EML1: variants seen among roughly 807,000 people sequenced by gnomAD.
The protein encoded by EML1 is echinoderm microtubule-associated protein-like 1.
Under a neutral mutation model 110.4 loss-of-function variants are expected in EML1, and 27 were observed. The observed-to-expected ratio is 0.24, with a 90% CI of 0.18 to 0.34. The LOEUF (loss-of-function observed/expected upper bound fraction) is 0.34, where lower values mean the gene tolerates loss of function less well. Among genes scored for constraint, EML1 ranks in the 10% least tolerant of loss-of-function variants. The pLI, the probability that EML1 is intolerant of heterozygous loss-of-function variation, is 1.00. For missense variants in EML1, 741 were observed against 1,030.9 expected (o/e 0.72, Z 3.85); for synonymous variants, 344 against 385.8 (o/e 0.89, Z 1.27).
At chr14:99,896,586 T>C (rs142571826) in intron 6 of EML1, among the ~76,000 whole-genome samples, 2 of 150,818 alleles carry the variant, frequency 1.3e-5, no homozygotes, top group East Asian at 3.9e-4. Context: ...ATAAATGGCA[T>C]TTTTTTGGCC....
intron 10 of EML1, among the ~76,000 whole-genome samples, chr14:99,908,845 C>A (rs1369601762): frequency 6.6e-6 from 1 of 152,156 alleles, no homozygotes. Flanking sequence ...GAACAATGGA[C>A]CTTTGTAAAA....
Position 99,936,239 on chromosome 14 carries a change from C to T in EML1, c.2008-8C>T, listed in dbSNP as rs1337938238. 8 of 1,613,874 alleles carry T rather than the reference C, an allele frequency of 5.0e-6. No individual in the cohort carries two copies. The East Asian group carries it at 1.1e-4, about 22-fold the overall frequency. On this transcript the variant is annotated splice_polypyrimidine_tract_variant and splice_region_variant and intron_variant, in intron 18 of 21. Coordinates refer to ENST00000262233, the MANE Select transcript of EML1 (RefSeq NM_004434.3). The surrounding 1 kb of genome is among the most constrained non-coding windows in gnomAD (Gnocchi z 5.5). The stretch of plus-strand genomic sequence containing the variant: ...CAATGAAATGAAGACAGTGTTTTAC[C>T]CTCCCAGGGTCATTCCAGCTTCATT...
chr14:99,939,373 C>T lies in EML1; in HGVS notation c.2322+46C>T, dbSNP rs1251212668. 2 of 1,607,764 alleles carry T rather than the reference C, an allele frequency of 1.2e-6. No homozygotes were observed. Among genetic ancestry groups the T allele is most frequent in the African/African-American group, 1.3e-5 (1 of 74,782 alleles). On this transcript the variant is annotated intron_variant, in intron 21 of 21. Coordinates refer to ENST00000262233, the MANE Select transcript of EML1 (RefSeq NM_004434.3). The surrounding 1 kb of genome is among the most constrained non-coding windows in gnomAD (Gnocchi z 4.2). Reference sequence around the variant, plus strand: ...CTAATCTTATCCCCCATGGGGCATGCACGTACACCCGACCTGTTTGGAGAC... The same window carrying T: ...CTAATCTTATCCCCCATGGGGCATGTACGTACACCCGACCTGTTTGGAGAC...
At chr14:99,856,490 A>G (rs926636705) in intron 2 of EML1, among the ~76,000 whole-genome samples, 1 of 152,236 alleles carries the variant, frequency 6.6e-6, no homozygotes, top group Non-Finnish European at 1.5e-5. Flanking sequence ...TTAATGAATA[A>G]TTAACTTAGT....
rs539298973 is a variant in EML1, at chr14:99,940,227, T to C, written c.*115T>C. On this transcript the variant is annotated 3_prime_UTR_variant, in exon 22 of 22. Coordinates refer to ENST00000262233, the MANE Select transcript of EML1 (RefSeq NM_004434.3). ...AAATTCTTACAAACCTCAGGAAAACTGTGCCCTCCGCCGGCTACCTTAGCT... is the reference window on the plus strand; with the variant it reads ...AAATTCTTACAAACCTCAGGAAAACCGTGCCCTCCGCCGGCTACCTTAGCT... The C allele has an allele frequency of 3.0e-6, 4 of 1,332,944 alleles. No individual in the cohort carries two copies. In the African/African-American group the frequency reaches 4.5e-5, roughly 15 times the overall value. 82.6% of individuals were successfully genotyped at this position (1,332,944 alleles called of 1,614,324 possible).
exon 1 of EML1, chr14:99,773,225 C>T (rs2057444603): frequency 6.6e-6 from 1 of 152,248 alleles, no homozygotes; most frequent in South Asian, 2.1e-4. Context: ...TGACCATCTA[C>T]TCTGGCCCTC....
chr14:99,884,924 T>A (rs1029307165), intron 4 of EML1, among the ~76,000 whole-genome samples: 3 of 152,138 alleles, frequency 2.0e-5, no homozygotes, highest in Non-Finnish European at 4.4e-5. Context: ...GGATCCCCTT[T>A]TTCTGGGAGC....
chr14:99,908,620 C>G (rs1408853979), intron 10 of EML1, among the ~76,000 whole-genome samples: 1 of 152,176 alleles, frequency 6.6e-6, no homozygotes, highest in South Asian at 2.1e-4. Flanking sequence ...TGTGTAACTG[C>G]ATTATTAAAT....
At chr14:99,772,032 C>T (rs1197771036), upstream of EML1, among the ~76,000 whole-genome samples, 1 of 152,132 alleles carries the variant, frequency 6.6e-6, no homozygotes, top group Non-Finnish European at 1.5e-5. Flanking sequence ...GTCGATTGAC[C>T]GTTTTCTTGA....
rs886149887 is a variant in EML1 at position 99,918,399 on chromosome 14, C to A, written c.1820+550C>A. On this transcript the variant is annotated intron_variant, in intron 16 of 21. Coordinates refer to ENST00000262233, the MANE Select transcript of EML1 (RefSeq NM_004434.3). ...GCATGAGGCACCACACCCAGCCACACACACATTTTGCCTACAATCTCGAGG... is the reference window on the plus strand; with the variant it reads ...GCATGAGGCACCACACCCAGCCACAAACACATTTTGCCTACAATCTCGAGG... Among the ~76,000 whole-genome samples, 3 of 152,240 alleles carry A rather than the reference C, an allele frequency of 2.0e-5. No homozygotes were observed. In the South Asian group the frequency reaches 6.2e-4, roughly 32 times the overall value.
In EML1 at chr14:99,939,163, G is replaced by A. The variant is rs1414415158; in HGVS notation, c.2192-34G>A. ...GCCATGTGGCCCTGTGGCCCCTGGT[G>A]TTTCCAGCGCCCTGTTTGTGGTCTT... On this transcript the variant is annotated intron_variant, in intron 20 of 21. Coordinates refer to ENST00000262233, the MANE Select transcript of EML1 (RefSeq NM_004434.3). This position sits in a 1 kb window ranked among gnomAD's most constrained non-coding sequence, Gnocchi z 4.2. 6.2e-7 allele frequency: 1 copy of A among 1,610,662 alleles called. No individual in the cohort carries two copies. The highest frequency in any genetic ancestry group is 8.5e-7 in the Non-Finnish European group (1 of 1,178,038).
intron 1 of EML1, among the ~76,000 whole-genome samples, chr14:99,847,942 T>TA (rs35039142): frequency 1.3e-4 from 20 of 151,368 alleles, no homozygotes; most frequent in African/African-American, 3.6e-4. Flanking sequence ...TTTGCTTTTT[T>TA]AAAAAAAAAA....
At chr14:99,866,336 C>CT (rs2059098611) in intron 3 of EML1, among the ~76,000 whole-genome samples, 1 of 151,970 alleles carries the variant, frequency 6.6e-6, no homozygotes, top group Non-Finnish European at 1.5e-5. Flanking sequence ...TTTGGGAGGC[C>CT]AAGGCGGGCA....
At chr14:99,789,048 A>G (rs2057630923), upstream of EML1, among the ~76,000 whole-genome samples, 7 of 152,098 alleles carry the variant, frequency 4.6e-5, no homozygotes, top group South Asian at 1.0e-3. Context: ...ATTTTGTTTA[A>G]CCATTCATCC....
intron 1 of EML1, among the ~76,000 whole-genome samples, chr14:99,755,295 G>A (rs2140179230): frequency 6.6e-6 from 1 of 152,346 alleles, no homozygotes; most frequent in South Asian, 2.1e-4. Flanking sequence ...GAGGCCCCGG[G>A]GAGCCTGGGG....
chr14:99,809,635 T>C (rs963762482), intron 1 of EML1: 9 of 456,006 alleles, frequency 2.0e-5, no homozygotes, highest in Non-Finnish European at 2.6e-5. Context: ...CTGCAACGTC[T>C]TATCTGCGAT....
chr14:99,749,169 G>T (rs2057147406), intron 1 of EML1, among the ~76,000 whole-genome samples: 1 of 152,216 alleles, frequency 6.6e-6, no homozygotes, highest in African/African-American at 2.4e-5. Context: ...TCCCCTGGGT[G>T]CACACCGGGA....
chr14:99,924,350 G>T (rs886643609), intron 17 of EML1, among the ~76,000 whole-genome samples: 2 of 152,074 alleles, frequency 1.3e-5, no homozygotes, highest in African/African-American at 4.8e-5. Flanking sequence ...ATCCACAGGG[G>T]CTACCTTCCA....
At chr14:99,787,045 G>A (rs886658043) in intron 1 of EML1, among the ~76,000 whole-genome samples, 9 of 152,144 alleles carry the variant, frequency 5.9e-5, no homozygotes, top group African/African-American at 2.2e-4. Flanking sequence ...GATCTGAAAG[G>A]GGCAGAGTGA....
Sources: gnomAD v4.1 joint callset for allele counts (sites outside exome capture counted in the v4.1 genomes callset) on GRCh38, gnomAD v4.1.1 for gene constraint, Gnocchi (gnomAD v3.1) non-coding constraint, MANE v1.5 for transcripts, NCBI Gene and HGNC (gene_info 2026-07-23, HGNC 2026-07-21) for gene names.